The following MSANTD3 variants were observed in gnomAD, a reference collection of about 807,000 sequenced individuals.
MSANTD3 encodes the protein myb/SANT-like DNA-binding domain-containing protein 3.
MSANTD3 carries 11 observed loss-of-function variants against 27.7 expected under a neutral mutation model. The observed-to-expected ratio is 0.40, with a 90% CI of 0.25 to 0.66. MSANTD3 has a LOEUF of 0.66. Among genes scored for constraint, MSANTD3 ranks in the 30% least tolerant of loss-of-function variants. The pLI is 0.41. For synonymous variants in MSANTD3, 131 were observed against 127.2 expected (o/e 1.03, Z -0.20); for missense variants, 250 against 336.5 (o/e 0.74, Z 2.01).
At chr9:100,438,505 A>G (rs1397115370) in intron 1 of MSANTD3, among the ~76,000 whole-genome samples, 2 of 152,180 alleles carry the variant, frequency 1.3e-5, no homozygotes, top group African/African-American at 2.4e-5. Flanking sequence ...ATGGGGAGTA[A>G]TCCTTTTTTC....
At chr9:100,428,566 C>G (rs1836294579) in intron 1 of MSANTD3, among the ~76,000 whole-genome samples, 1 of 152,026 alleles carries the variant, frequency 6.6e-6, no homozygotes, top group Non-Finnish European at 1.5e-5. Flanking sequence ...TCATCCCTCC[C>G]GTAGAGACCC....
chr9:100,429,707 G>GT (rs144260548), intron 1 of MSANTD3: 86 of 148,190 alleles, frequency 5.8e-4, no homozygotes, highest in East Asian at 1.4e-3. Flanking sequence ...TTTTGTTTTT[G>GT]TTTTTTTTTT....
At chr9:100,441,574 G>T (rs1284185465) in intron 1 of MSANTD3, among the ~76,000 whole-genome samples, 1 of 152,174 alleles carries the variant, frequency 6.6e-6, no homozygotes, top group Non-Finnish European at 1.5e-5. Context: ...GGGAGGTGGA[G>T]GTTGCAGTGA....
At chr9:100,445,055 G>C in intron 2 of MSANTD3, 1 of 654,380 alleles carries the variant, frequency 1.5e-6, no homozygotes, top group Non-Finnish European at 2.7e-6. Flanking sequence ...TTGGTGCTTT[G>C]TCATTTGGGA....
chr9:100,450,713 C>T lies in MSANTD3; in HGVS notation c.575C>T (p.Ala192Val). The change falls in exon 3 of 3, where the codon GCT (alanine) becomes GTT (valine). Residue 192 changes from alanine to valine, a missense_variant. By Grantham distance (64) the Ala-to-Val change is moderately conservative (BLOSUM62 0). This residue lies in a region of MSANTD3 where 235 missense variants were observed against 299.3 expected (regional missense o/e 0.79). Coordinates refer to ENST00000395067, the MANE Select transcript of MSANTD3 (RefSeq NM_080655.3). ...AGGAGCAAAACCTCTCAGGAAGGTG[C>T]TTTAAAAAAGATGCATGAGGAAGAA... ...NYRSKTSQEGALKKMHEEEHH... is the reference protein window; with the variant it reads ...NYRSKTSQEGVLKKMHEEEHH... The T allele has an allele frequency of 6.2e-7, 1 of 1,614,070 alleles. No homozygotes were observed. Among genetic ancestry groups the T allele is most frequent in the Non-Finnish European group, 8.5e-7 (1 of 1,180,006 alleles).
rs184759450 is a variant in MSANTD3 at position 100,440,287 on chromosome 9, C to T, written c.-33-1619C>T. Among the ~76,000 whole-genome samples, 13 of 152,296 alleles carry T rather than the reference C, an allele frequency of 8.5e-5. No individual in the cohort carries two copies. In the East Asian group the frequency reaches 2.3e-3, roughly 27 times the overall value. Reference sequence around the variant, plus strand: ...TTCTAAGAATACCAGACTCCTAGGGCAGTCCAAGCTCTGGACTTTCTATGT... The same window carrying T: ...TTCTAAGAATACCAGACTCCTAGGGTAGTCCAAGCTCTGGACTTTCTATGT... On this transcript the variant is annotated intron_variant, in intron 1 of 2. Coordinates refer to ENST00000395067, the MANE Select transcript of MSANTD3 (RefSeq NM_080655.3).
intron 2 of MSANTD3, among the ~76,000 whole-genome samples, chr9:100,450,010 G>C (rs1836846712): frequency 6.6e-6 from 1 of 152,204 alleles, no homozygotes; most frequent in Admixed American, 6.5e-5. Context: ...AGTTAAGCCA[G>C]GGAATGTAGA....
Position 100,451,225 on chromosome 9 carries a change from A to G in MSANTD3, c.*259A>G. 1 of 379,168 alleles carries G rather than the reference A, an allele frequency of 2.6e-6. No homozygotes were observed. The highest frequency in any genetic ancestry group is 9.6e-5 in the South Asian group (1 of 10,426). The allele number at this position is 379,168 out of a possible 1,614,324, so 23.5% of individuals were successfully genotyped here. On this transcript the variant is annotated 3_prime_UTR_variant, in exon 3 of 3. Coordinates refer to ENST00000395067, the MANE Select transcript of MSANTD3 (RefSeq NM_080655.3). ...ATAATGTCTCTTAATTAGAATTCAT[A>G]CAAGAACCACGTGTGAGTGTTGTTG...
chr9:100,444,931 A>G (rs531307493), intron 2 of MSANTD3: 1 of 393,704 alleles, frequency 2.5e-6, no homozygotes, highest in African/African-American at 2.0e-5. Context: ...TTTAAATTGG[A>G]TGTTTGTACA....
chr9:100,445,150 C>T, intron 2 of MSANTD3: 4 of 1,530,518 alleles, frequency 2.6e-6, no homozygotes, highest in Non-Finnish European at 3.6e-6. Context: ...GAGTTCATTT[C>T]ACTCATTTTG....
In MSANTD3 at chr9:100,442,176, C is replaced by T. The variant is rs760300201; in HGVS notation, c.238C>T (p.Arg80Trp). 1.9e-6 allele frequency: 3 copies of T among 1,613,968 alleles called. No homozygotes were observed. Among genetic ancestry groups the T allele is most frequent in the Non-Finnish European group, 2.5e-6 (3 of 1,179,992 alleles). Reference protein sequence around the residue: ...LKKCWENIKARTKKIMAHERR... With the variant: ...LKKCWENIKAWTKKIMAHERR... ...GAAGTGCTGGGAGAACATCAAGGCT[C>T]GGACCAAAAAAATTATGGCCCATGA... The change falls in exon 2 of 3, where the codon CGG becomes TGG. Residue 80 changes from arginine (R) to tryptophan (W), a missense_variant. Coordinates refer to ENST00000395067, the MANE Select transcript of MSANTD3 (RefSeq NM_080655.3).
intron 2 of MSANTD3, among the ~76,000 whole-genome samples, chr9:100,442,652 A>G (rs1222676857): frequency 6.6e-6 from 1 of 151,852 alleles, no homozygotes; most frequent in Admixed American, 6.6e-5. Context: ...TACAAAAAAT[A>G]GAAAAAATTA....
rs553515666 is a variant in MSANTD3 at position 100,445,235 on chromosome 9, A to G, written c.418+2879A>G. The G allele has an allele frequency of 2.5e-6, 4 of 1,588,316 alleles. No individual in the cohort carries two copies. In the African/African-American group the frequency reaches 5.4e-5, roughly 21 times the overall value. Reference sequence around the variant, plus strand: ...ATCCTTTCTGGGACTTGGTAGGAAAAAGGTGGAAAATCTGCTATAGAGTTA... The same window carrying G: ...ATCCTTTCTGGGACTTGGTAGGAAAGAGGTGGAAAATCTGCTATAGAGTTA... On this transcript the variant is annotated intron_variant, in intron 2 of 2. Coordinates refer to ENST00000395067, the MANE Select transcript of MSANTD3 (RefSeq NM_080655.3).
intron 1 of MSANTD3, among the ~76,000 whole-genome samples, chr9:100,437,064 C>T (rs1307491388): frequency 1.3e-5 from 2 of 152,190 alleles, no homozygotes; most frequent in African/African-American, 4.8e-5. Context: ...CTCGGCCTCC[C>T]AAAGTGCTGG....
At chr9:100,440,085 G>T (rs1262473449) in intron 1 of MSANTD3, among the ~76,000 whole-genome samples, 1 of 152,186 alleles carries the variant, frequency 6.6e-6, no homozygotes, top group East Asian at 1.9e-4. Flanking sequence ...ATAGCGTGCA[G>T]TCCTAAAACA....
chr9:100,435,999 A>G (rs1272126667), intron 1 of MSANTD3, among the ~76,000 whole-genome samples: 1 of 152,182 alleles, frequency 6.6e-6, no homozygotes, highest in Non-Finnish European at 1.5e-5. Flanking sequence ...AATTGTGCTA[A>G]TTGTTTCCTT....
rs777255953 is a variant in MSANTD3 at position 100,442,392 on chromosome 9, T to C, written c.418+36T>C. On this transcript the variant is annotated intron_variant, in intron 2 of 2. Transcript: ENST00000395067. ...CTGATGCCAGTGTGCACGCTCTCAC[T>C]GGGTATCTGTTTGACATTTTAATTT... The C allele has an allele frequency of 6.4e-6, 10 of 1,552,194 alleles. No individual in the cohort carries two copies. In the African/African-American group the frequency reaches 8.3e-5, roughly 13 times the overall value.
intron 2 of MSANTD3, chr9:100,444,350 A>G (rs1381435974): frequency 2.0e-5 from 3 of 152,192 alleles, no homozygotes; most frequent in African/African-American, 7.2e-5. Flanking sequence ...CCTAGCAGAC[A>G]GTTTATGGGG....
intron 1 of MSANTD3, among the ~76,000 whole-genome samples, chr9:100,432,281 G>A (rs753469569): frequency 2.0e-5 from 3 of 152,172 alleles, no homozygotes; most frequent in Non-Finnish European, 4.4e-5. Flanking sequence ...AGGTAGAGAG[G>A]CAGAGAGAGC....
Sources: gnomAD v4.1 joint callset for allele counts (sites outside exome capture counted in the v4.1 genomes callset) on GRCh38, gnomAD v4.1.1 for gene constraint, gnomAD v4.1.1 regional missense constraint, MANE v1.5 for transcripts, NCBI Gene and HGNC (gene_info 2026-07-23, HGNC 2026-07-21) for gene names.